Variants in TMTC2 observed in about 807,000 individuals in gnomAD.
The protein encoded by TMTC2 is protein O-mannosyl-transferase TMTC2.
Under a neutral mutation model 82.4 loss-of-function variants are expected in TMTC2, and 43 were observed. That is an observed-to-expected ratio of 0.52 (90% CI 0.41 to 0.67). The LOEUF (loss-of-function observed/expected upper bound fraction) is 0.67. Ranked by LOEUF, TMTC2 falls within the 30% of genes least tolerant of loss-of-function variation. The probability of loss-of-function intolerance (pLI) is 0.00; values close to 1 mark genes in which losing one functional copy is unlikely to be tolerated. For missense variants in TMTC2, 919 were observed against 1,012.4 expected, an observed-to-expected ratio of 0.91 and a Z score of 1.25; for synonymous variants, 408 against 381.9, an observed-to-expected ratio of 1.07 and a Z score of -0.80.
intron 2 of TMTC2, among the ~76,000 whole-genome samples, chr12:82,871,282 G>A: frequency 6.6e-6 from 1 of 152,084 alleles, no homozygotes. Flanking sequence ...TGACTCCAAA[G>A]CTCATGGTCT....
At chr12:82,969,032 T>C (rs1330794264) in intron 7 of TMTC2, among the ~76,000 whole-genome samples, 1 of 152,190 alleles carries the variant, frequency 6.6e-6, no homozygotes, top group African/African-American at 2.4e-5. Flanking sequence ...TATAATTTTC[T>C]CAGAGAGTGA....
At chr12:83,083,291 T>G (rs79938964) in intron 11 of TMTC2, among the ~76,000 whole-genome samples, 2 of 152,208 alleles carry the variant, frequency 1.3e-5, no homozygotes, top group African/African-American at 4.8e-5. Flanking sequence ...TCAAACATAC[T>G]TCTTCCTTAG....
In TMTC2 at chr12:82,886,189, G is replaced by A. The variant is rs549468446; in HGVS notation, c.655-9629G>A. 8.5e-5 allele frequency among the ~76,000 whole-genome samples: 13 copies of A among 152,164 alleles called. No individual in the cohort carries two copies. In the South Asian group the frequency reaches 1.2e-3, roughly 15 times the overall value. On this transcript the variant is annotated intron_variant, in intron 2 of 11. Coordinates refer to ENST00000321196, the MANE Select transcript of TMTC2 (RefSeq NM_152588.3). ...CATATCTGTATCAGTGTACTTTCAC[G>A]TGTGTTTTGAGCACTTTCTCCCTTT...
intron 4 of TMTC2, among the ~76,000 whole-genome samples, chr12:82,933,880 A>T (rs1293401478): frequency 6.6e-6 from 1 of 152,224 alleles, no homozygotes; most frequent in East Asian, 1.9e-4. Context: ...AAATTTAAGG[A>T]ACATTACCTT....
intron 8 of TMTC2, among the ~76,000 whole-genome samples, chr12:83,018,992 A>C (rs1010093851): frequency 5.8e-4 from 89 of 152,296 alleles, no homozygotes; most frequent in African/African-American, 2.1e-3. Flanking sequence ...ACATATGGTA[A>C]GTGTCACAAC....
chr12:82,808,357 T>G lies in TMTC2; in HGVS notation c.84-48653T>G, dbSNP rs541454722. Among the ~76,000 whole-genome samples, 7 of 152,178 alleles carry G rather than the reference T, an allele frequency of 4.6e-5. No individual in the cohort carries two copies. The South Asian group carries it at 1.5e-3, about 32-fold the overall frequency. On this transcript the variant is annotated intron_variant, in intron 1 of 11. Coordinates refer to ENST00000321196, the MANE Select transcript of TMTC2 (RefSeq NM_152588.3). ...AAATAGACAGTATAATTTTATTTCTTTAGCGAATATAAGAAGGTGGTGTGT... is the reference window on the plus strand; with the variant it reads ...AAATAGACAGTATAATTTTATTTCTGTAGCGAATATAAGAAGGTGGTGTGT...
chr12:83,036,702 G>A (rs1043489409), intron 9 of TMTC2, among the ~76,000 whole-genome samples: 28 of 152,048 alleles, frequency 1.8e-4, no homozygotes, highest in Non-Finnish European at 4.0e-4. Flanking sequence ...CTCTAGGATG[G>A]TGTCCTAGTC....
At chr12:82,687,865 C>T (rs1462051015) in intron 1 of TMTC2, among the ~76,000 whole-genome samples, 196 bp downstream of exon 1, 2 of 152,192 alleles carry the variant, frequency 1.3e-5, no homozygotes, top group African/African-American at 2.4e-5. Context: ...GAGGGAGTTT[C>T]CGCTCCTAGT....
At chr12:83,052,664 A>G (rs1489927323) in intron 10 of TMTC2, among the ~76,000 whole-genome samples, 2 of 152,192 alleles carry the variant, frequency 1.3e-5, no homozygotes, top group Non-Finnish European at 2.9e-5. Flanking sequence ...ATTTTGCTAC[A>G]TATTAAATCC....
chr12:82,825,799 GT>G (rs1270043063), intron 1 of TMTC2, among the ~76,000 whole-genome samples: 1 of 152,008 alleles, frequency 6.6e-6, no homozygotes, highest in East Asian at 1.9e-4. Flanking sequence ...AGGTTTGACA[GT>G]TTTGTTACTT....
chr12:83,062,306 A>G (rs1218521638), intron 11 of TMTC2, among the ~76,000 whole-genome samples: 3 of 151,688 alleles, frequency 2.0e-5, no homozygotes, highest in Admixed American at 6.6e-5. Flanking sequence ...GAATGTTTTT[A>G]TTACAATTTT....
At chr12:82,956,135 T>C (rs1468367216) in intron 4 of TMTC2, among the ~76,000 whole-genome samples, 1 of 152,124 alleles carries the variant, frequency 6.6e-6, no homozygotes, top group Non-Finnish European at 1.5e-5. Flanking sequence ...CACACTTAAG[T>C]ATATAGCCCA....
chr12:82,819,547 G>T (rs1868961778), intron 1 of TMTC2, among the ~76,000 whole-genome samples: 1 of 145,664 alleles, frequency 6.9e-6, no homozygotes, highest in Non-Finnish European at 1.5e-5. Context: ...CGTTGCCCAG[G>T]CTGGAGTGCA....
At chr12:83,081,845 C>A (rs1883482710) in intron 11 of TMTC2, among the ~76,000 whole-genome samples, 1 of 151,990 alleles carries the variant, frequency 6.6e-6, no homozygotes, top group South Asian at 2.1e-4. Flanking sequence ...TCGAGACCAT[C>A]CTGGGCAATG....
chr12:83,071,750 G>A (rs1004572708), intron 11 of TMTC2, among the ~76,000 whole-genome samples: 6 of 151,888 alleles, frequency 4.0e-5, no homozygotes, highest in Admixed American at 6.6e-5. Context: ...TATCTTTCCC[G>A]GAATTTATCC....
chr12:82,756,818 C>T (rs1399815283), intron 1 of TMTC2, among the ~76,000 whole-genome samples: 1 of 152,142 alleles, frequency 6.6e-6, no homozygotes, highest in Non-Finnish European at 1.5e-5. Context: ...TGGGCAACTA[C>T]GATTCCAAAT....
chr12:82,735,643 C>T (rs1011536465), intron 1 of TMTC2, among the ~76,000 whole-genome samples: 7 of 151,376 alleles, frequency 4.6e-5, no homozygotes, highest in Non-Finnish European at 8.8e-5. Flanking sequence ...CCGCACCCAG[C>T]CCCCCTAATT....
At chr12:82,808,411 A>G in intron 1 of TMTC2, among the ~76,000 whole-genome samples, 1 of 152,064 alleles carries the variant, frequency 6.6e-6, no homozygotes, top group East Asian at 1.9e-4. Flanking sequence ...TTTTATTGAT[A>G]TAGTGCTTTG....
chr12:82,965,771 T>G (rs763082571), intron 6 of TMTC2, 27 bp downstream of exon 6: 4 of 1,612,266 alleles, frequency 2.5e-6, no homozygotes, highest in Non-Finnish European at 3.4e-6. Context: ...TCTGTCCTTT[T>G]CCCTCCCCCT....
Sources: allele counts gnomAD v4.1 joint callset (sites outside exome capture counted in the v4.1 genomes callset), GRCh38; gene constraint gnomAD v4.1.1; transcripts MANE v1.5; gene names NCBI Gene and HGNC (gene_info 2026-07-23, HGNC 2026-07-21).